The following ASPSCR1 variants were observed in gnomAD, a reference collection of about 807,000 sequenced individuals.
ASPSCR1 encodes tether containing UBX domain for GLUT4.
A neutral mutation model predicts 68.9 loss-of-function variants in ASPSCR1; 55 were observed. The observed-to-expected ratio is 0.80, with a 90% confidence interval of 0.64 to 1.00. ASPSCR1 has a LOEUF of 1.00. Ranked by LOEUF, ASPSCR1 falls within the 50% of genes least tolerant of loss-of-function variation. The probability of loss-of-function intolerance (pLI) is 0.00; values close to 1 mark genes in which losing one functional copy is unlikely to be tolerated. For synonymous variants in ASPSCR1, 352 were observed against 332.6 expected (o/e 1.06, Z -0.63); for missense variants, 765 against 762.2 (o/e 1.00, Z -0.04).
rs1472276354 is a variant in ASPSCR1, at chr17:82,012,218, C to T, written c.1301-13C>T. The T allele has an allele frequency of 1.9e-6, 3 of 1,613,260 alleles. No individual in the cohort carries two copies. Among genetic ancestry groups the T allele is most frequent in the Admixed American group, 1.7e-5 (1 of 60,026 alleles). On this transcript the variant is annotated splice_polypyrimidine_tract_variant and intron_variant, in intron 11 of 15. Coordinates refer to ENST00000306739, the MANE Select transcript of ASPSCR1 (RefSeq NM_024083.4). ...ACGGTGCTTCCTAACACGTAGGTGCCTTCTCTCCTCAGTCATCACCCCTCC... is the reference window on the plus strand; with the variant it reads ...ACGGTGCTTCCTAACACGTAGGTGCTTTCTCTCCTCAGTCATCACCCCTCC...
chr17:81,997,290 A>G (rs2042383827), intron 7 of ASPSCR1, among the ~76,000 whole-genome samples: 1 of 152,056 alleles, frequency 6.6e-6, no homozygotes, highest in African/African-American at 2.4e-5. Flanking sequence ...ACTCAACTAC[A>G]TGCACGTTAA....
intron 7 of ASPSCR1, chr17:82,006,764 TCTG>T (rs2042735064): frequency 6.6e-6 from 1 of 152,054 alleles, no homozygotes; most frequent in Non-Finnish European, 1.5e-5. Flanking sequence ...TCCCTCAACC[TCTG>T]TTTTCCATCC....
intron 4 of ASPSCR1, among the ~76,000 whole-genome samples, chr17:81,989,752 C>T (rs982962684): frequency 4.6e-5 from 7 of 152,208 alleles, no homozygotes; most frequent in Non-Finnish European, 2.9e-5. Context: ...ACCAGCGTCT[C>T]AAGCAGCAGG....
chr17:81,992,857 C>T (rs901657043), intron 4 of ASPSCR1, among the ~76,000 whole-genome samples: 2 of 152,212 alleles, frequency 1.3e-5, no homozygotes, highest in Non-Finnish European at 2.9e-5. Flanking sequence ...GCAGAGGACA[C>T]CCGCCGTGTG....
chr17:82,001,828 C>T (rs1254063504), intron 7 of ASPSCR1, among the ~76,000 whole-genome samples: 1 of 152,148 alleles, frequency 6.6e-6, no homozygotes, highest in Non-Finnish European at 1.5e-5. Context: ...TGCGGATGAC[C>T]CCCCTCACCA....
intron 15 of ASPSCR1, 83 bp downstream of exon 15, chr17:82,017,196 G>T (rs2043169703): frequency 1.3e-6 from 2 of 1,581,062 alleles, no homozygotes; most frequent in South Asian, 1.1e-5. Context: ...CAGTGGGCTG[G>T]GGGGCTAGGT....
intron 5 of ASPSCR1, 92 bp from the exon 6 acceptor site, chr17:81,995,900 C>A: frequency 7.8e-7 from 1 of 1,286,374 alleles, no homozygotes; most frequent in Non-Finnish European, 1.1e-6. Flanking sequence ...GGCACGTGGC[C>A]TGTGGTCCTG....
intron 10 of ASPSCR1, 64 bp downstream of exon 10, chr17:82,010,932 C>A: frequency 1.9e-6 from 3 of 1,569,844 alleles, no homozygotes; most frequent in South Asian, 2.2e-5. Context: ...CTCCCGGCTC[C>A]TTCCTTCCAG....
chr17:82,009,324 C>G, intron 8 of ASPSCR1, 133 bp downstream of exon 8: 1 of 1,402,706 alleles, frequency 7.1e-7, no homozygotes, highest in Non-Finnish European at 9.5e-7. Context: ...CTTAACAGGA[C>G]CTCAGAGGGT....
chr17:81,985,170 AC>A (rs2041953776), intron 3 of ASPSCR1, among the ~76,000 whole-genome samples: 2 of 146,930 alleles, frequency 1.4e-5, no homozygotes, highest in South Asian at 4.5e-4. Context: ...ACACCTGCAC[AC>A]ACCCACACAC....
At chr17:82,009,314 C>G (rs2042831265) in intron 8 of ASPSCR1, 123 bp downstream of exon 8, 1 of 1,418,494 alleles carries the variant, frequency 7.0e-7, no homozygotes, top group African/African-American at 1.4e-5. Flanking sequence ...ACAGGCTGCC[C>G]TTAACAGGAC....
intron 4 of ASPSCR1, among the ~76,000 whole-genome samples, chr17:81,988,802 G>A (rs1461553717): frequency 2.0e-5 from 3 of 152,132 alleles, no homozygotes; most frequent in African/African-American, 7.2e-5. Flanking sequence ...AGGGCATCCC[G>A]GGCAGGGTTG....
At chr17:82,015,115 C>T (rs955589683) in intron 12 of ASPSCR1, 3 of 1,598,096 alleles carry the variant, frequency 1.9e-6, no homozygotes, top group African/African-American at 2.7e-5. Context: ...ACCCTGGGTC[C>T]CTCGCTGAAA....
rs551256554 is a variant in ASPSCR1 at position 81,996,923 on chromosome 17, C to T, written c.933+77C>T. The T allele has an allele frequency of 7.9e-6, 12 of 1,514,048 alleles. No individual in the cohort carries two copies. The South Asian group carries it at 1.6e-4, about 20-fold the overall frequency. 93.8% of individuals were successfully genotyped at this position (1,514,048 alleles called of 1,614,324 possible). ...GTAGCCCTGCGTGGCTTTAGCTGGT[C>T]AGCCTGGTGGCGTGGCCGTGATGCG... On this transcript the variant is annotated intron_variant, in intron 7 of 15. Coordinates refer to ENST00000306739, the MANE Select transcript of ASPSCR1 (RefSeq NM_024083.4).
chr17:81,980,290 T>C (rs1215590189), intron 2 of ASPSCR1, among the ~76,000 whole-genome samples: 1 of 152,262 alleles, frequency 6.6e-6, no homozygotes, highest in African/African-American at 2.4e-5. Flanking sequence ...CTTGAAGACC[T>C]GTTTTTACAG....
chr17:81,977,655 C>A lies in ASPSCR1; in HGVS notation c.9C>A (p.Ala3=), dbSNP rs749594577. The A allele has an allele frequency of 5.7e-6, 8 of 1,397,568 alleles. No individual in the cohort carries two copies. In the South Asian group the frequency reaches 1.2e-4, roughly 20 times the overall value. The allele number at this position is 1,397,568 out of a possible 1,614,324, so 86.6% of individuals were successfully genotyped here. A position where few individuals can be genotyped will look rare whatever the true frequency, so the allele number is the denominator to read the frequency against. The change falls in exon 1 of 16, where the codon GCC becomes GCA. Residue 3 remains alanine, a synonymous_variant. Transcript: ENST00000306739. The surrounding 1 kb of genome is among the most constrained non-coding windows in gnomAD (Gnocchi z 5.0). The part of the protein sequence containing the change: MA[A]PAGGGGSAVS... Reference sequence around the variant, plus strand: ...GGTCACGTGAGCGGAAAATGGCGGCCCCGGCAGGCGGCGGAGGCTCCGCGG... The same window carrying A: ...GGTCACGTGAGCGGAAAATGGCGGCACCGGCAGGCGGCGGAGGCTCCGCGG...
At chr17:82,015,449 G>A in intron 12 of ASPSCR1, 1 of 1,447,900 alleles carries the variant, frequency 6.9e-7, no homozygotes, top group Non-Finnish European at 9.2e-7. Context: ...TCCCTCTCCT[G>A]GTGTTCCCGA....
At chr17:82,011,757 T>A in intron 11 of ASPSCR1, 152 bp downstream of exon 11, 1 of 860,218 alleles carries the variant, frequency 1.2e-6, no homozygotes. Flanking sequence ...CAGCCCATGG[T>A]GTCTGTGTGG....
At position 82,012,656 on chromosome 17, in the gene ASPSCR1, C is replaced by T. The variant is rs2042990717; in HGVS notation, c.1353+373C>T. ...GCCTCGGAGCAGGGCTCAGGGAGCC[C>T]CAGAGGGACCAGGCCCTCAGCTGGA... is the stretch of plus-strand genomic sequence containing the variant. On this transcript the variant is annotated intron_variant, in intron 12 of 15. Transcript: ENST00000306739. Among the ~76,000 whole-genome samples the T allele has an allele frequency of 2.0e-5, 3 of 152,160 alleles. No individual in the cohort carries two copies. In the South Asian group the frequency reaches 6.2e-4, roughly 32 times the overall value.
Sources: allele counts gnomAD v4.1 joint callset (sites outside exome capture counted in the v4.1 genomes callset), GRCh38; gene constraint gnomAD v4.1.1; non-coding constraint Gnocchi (gnomAD v3.1); transcripts MANE v1.5; gene names NCBI Gene and HGNC (gene_info 2026-07-23, HGNC 2026-07-21).